AP4S1: variants seen among roughly 807,000 people sequenced by gnomAD.
The protein encoded by AP4S1 is adaptor related protein complex 4 subunit sigma 1, also known as AP-4 complex subunit sigma-1.
AP4S1 carries 23 observed loss-of-function variants against 19.8 expected under a neutral mutation model. The observed-to-expected ratio is 1.16, with a 90% CI of 0.84 to 1.65. The LOEUF is 1.65. Ranked by LOEUF, AP4S1 falls within the 40% of genes most tolerant of loss-of-function variation. AP4S1 has a pLI of 0.00. For synonymous variants in AP4S1, 46 were observed against 54.1 expected (o/e 0.85, Z 0.66); for missense variants, 166 against 172.8 (o/e 0.96, Z 0.22).
intron 2 of AP4S1, among the ~76,000 whole-genome samples, chr14:31,069,098 C>T (rs1025210997): frequency 6.6e-6 from 1 of 152,122 alleles, no homozygotes; most frequent in African/African-American, 2.4e-5. Flanking sequence ...TCCAGCACAC[C>T]CTAAAATCCA....
At chr14:31,089,035 C>G (rs1354275891) in intron 5 of AP4S1, among the ~76,000 whole-genome samples, 1 of 151,552 alleles carries the variant, frequency 6.6e-6, no homozygotes, top group East Asian at 1.9e-4. Flanking sequence ...GGCAGCGCAC[C>G]TGTGGTCACA....
chr14:31,076,874 C>A (rs1416662267), intron 4 of AP4S1, among the ~76,000 whole-genome samples: 2 of 152,178 alleles, frequency 1.3e-5, no homozygotes, highest in African/African-American at 2.4e-5. Context: ...GTACCATAGG[C>A]CTTCCTGAGC....
intron 1 of AP4S1, among the ~76,000 whole-genome samples, chr14:31,031,518 T>C (rs1884386511): frequency 6.6e-6 from 1 of 152,222 alleles, no homozygotes; most frequent in Non-Finnish European, 1.5e-5. Flanking sequence ...ATTATACCAG[T>C]TGTCTCTTAA....
At chr14:31,066,460 A>C (rs1886722889) in intron 2 of AP4S1, 126 bp downstream of exon 2, 2 of 1,297,712 alleles carry the variant, frequency 1.5e-6, no homozygotes, top group Admixed American at 1.8e-5. Flanking sequence ...AAAGAAAATA[A>C]GTGATGTGAA....
chr14:31,073,065 T>C (rs1294967538), intron 4 of AP4S1, 92 bp downstream of exon 4: 1 of 1,070,892 alleles, frequency 9.3e-7, no homozygotes, highest in East Asian at 2.4e-5. Context: ...CATGTGTTAA[T>C]ACAGAGTTTT....
rs762925365 is a variant in AP4S1 at position 31,080,632 on chromosome 14, T to C, written c.306+48T>C. On this transcript the variant is annotated intron_variant, in intron 5 of 5. Coordinates refer to ENST00000542754, the MANE Select transcript of AP4S1 (RefSeq NM_001128126.3). ...TCCACAGTACTTGGCAAATGCACTC[T>C]GGTCCTTATCAGGTAAGTACCACAA... The C allele has an allele frequency of 6.2e-7, 1 of 1,613,200 alleles. No individual in the cohort carries two copies. Among genetic ancestry groups the C allele is most frequent in the South Asian group, 1.1e-5 (1 of 91,064 alleles).
chr14:31,084,943 A>G (rs551088859), intron 5 of AP4S1: 1 of 1,612,700 alleles, frequency 6.2e-7, no homozygotes, highest in South Asian at 1.1e-5. Flanking sequence ...CTACTCTTCA[A>G]ATCAGTGCGT....
intron 1 of AP4S1, chr14:31,026,354 C>A: frequency 1.7e-6 from 1 of 596,848 alleles, no homozygotes; most frequent in Non-Finnish European, 2.6e-6. Flanking sequence ...CTGCCGGCTG[C>A]CGCCATTACA....
intron 1 of AP4S1, among the ~76,000 whole-genome samples, chr14:31,059,919 G>A (rs903809883): frequency 3.4e-5 from 5 of 148,356 alleles, no homozygotes; most frequent in African/African-American, 9.9e-5. Context: ...AATGAGCTGG[G>A]AGGACAAAAA....
intron 1 of AP4S1, among the ~76,000 whole-genome samples, chr14:31,032,372 A>G (rs1003246508): frequency 6.6e-6 from 1 of 152,200 alleles, no homozygotes; most frequent in African/African-American, 2.4e-5. Context: ...CAACAAAGAT[A>G]GGTTAAGGAA....
chr14:31,060,319 C>T (rs1009951027), intron 1 of AP4S1, among the ~76,000 whole-genome samples: 8 of 152,050 alleles, frequency 5.3e-5, no homozygotes, highest in Middle Eastern at 3.4e-3. Flanking sequence ...TGAGTATGCA[C>T]GGATTTGGTT....
chr14:31,026,893 G>A (rs1177535499), intron 1 of AP4S1: 2 of 152,198 alleles, frequency 1.3e-5, no homozygotes, highest in Non-Finnish European at 2.9e-5. Context: ...TCCCAAGGGT[G>A]GGCCCTCTTT....
rs555932903 is a variant in AP4S1, at chr14:31,069,750, T to G, written c.139-93T>G. On this transcript the variant is annotated intron_variant, in intron 2 of 5. Coordinates refer to ENST00000542754, the MANE Select transcript of AP4S1 (RefSeq NM_001128126.3). ...AATATTCTATATTTCTAGGAATGTT[T>G]GTCGGGTAAATCAGAACCTAGAACT... 9 of 939,400 alleles carry G rather than the reference T, an allele frequency of 9.6e-6. No homozygotes were observed. In the East Asian group the frequency reaches 1.7e-4, roughly 18 times the overall value. The allele number at this position is 939,400 out of a possible 1,614,324, so 58.2% of individuals were successfully genotyped here.
intron 1 of AP4S1, among the ~76,000 whole-genome samples, chr14:31,038,745 GA>G (rs1884918897): frequency 6.6e-6 from 1 of 152,184 alleles, no homozygotes; most frequent in Admixed American, 6.5e-5. Context: ...ACAGAGCTAT[GA>G]GGGGGATTAA....
intron 1 of AP4S1, among the ~76,000 whole-genome samples, chr14:31,044,274 T>G (rs866705374): frequency 6.6e-6 from 1 of 152,168 alleles, no homozygotes; most frequent in Non-Finnish European, 1.5e-5. Context: ...TGCTGGACTT[T>G]CCAGAGACAG....
chr14:31,034,609 A>AT (rs5807612), intron 1 of AP4S1, among the ~76,000 whole-genome samples: 11,311 of 103,930 alleles, frequency 0.11, 1,078 homozygotes, highest in East Asian at 0.26. Flanking sequence ...TTTGTACTTA[A>AT]TTTTTTTTTT....
At chr14:31,075,910 T>G (rs570575159) in intron 4 of AP4S1, among the ~76,000 whole-genome samples, 137 of 152,232 alleles carry the variant, frequency 9.0e-4, no homozygotes, top group African/African-American at 3.1e-3. Context: ...CAGCTAATTT[T>G]GTATTTTTAG....
chr14:31,045,223 A>C (rs1414302963), intron 1 of AP4S1, among the ~76,000 whole-genome samples: 1 of 152,128 alleles, frequency 6.6e-6, no homozygotes, highest in East Asian at 1.9e-4. Context: ...ATTTTTTAAA[A>C]CAACTTTAGG....
At chr14:31,057,880 G>A (rs1237168248) in intron 1 of AP4S1, among the ~76,000 whole-genome samples, 6 of 150,638 alleles carry the variant, frequency 4.0e-5, no homozygotes, top group African/African-American at 1.5e-4. Flanking sequence ...CACCTGCCTC[G>A]GCCTCCCAAA....
Sources: allele counts gnomAD v4.1 joint callset (sites outside exome capture counted in the v4.1 genomes callset), GRCh38; gene constraint gnomAD v4.1.1; transcripts MANE v1.5; gene names NCBI Gene and HGNC (gene_info 2026-07-23, HGNC 2026-07-21).